DDX4: variants seen among roughly 807,000 people sequenced by gnomAD.
DDX4 encodes the protein DEAD-box helicase 4.
A neutral mutation model predicts 100.0 loss-of-function variants in DDX4; 25 were observed. The ratio of observed to expected loss-of-function variants is 0.25; its 90% CI spans 0.18 to 0.35. The LOEUF (loss-of-function observed/expected upper bound fraction) is 0.35. Ranked by LOEUF, DDX4 falls within the 10% of genes least tolerant of loss-of-function variation. The pLI is 1.00. For synonymous variants in DDX4, 259 were observed against 275.7 expected, an observed-to-expected ratio of 0.94 and a Z score of 0.60; for missense variants, 635 against 882.4, an observed-to-expected ratio of 0.72 and a Z score of 3.55.
At chr5:55,782,188 C>A in intron 10 of DDX4, 2 of 557,262 alleles carry the variant, frequency 3.6e-6, no homozygotes, top group Non-Finnish European at 6.4e-6. Flanking sequence ...CCTCTCTGAT[C>A]CAGCAATTCC....
At chr5:55,773,924 C>T (rs1413159166) in intron 7 of DDX4, among the ~76,000 whole-genome samples, 6 of 152,056 alleles carry the variant, frequency 3.9e-5, no homozygotes. Context: ...CAGTGCCCAG[C>T]CCTTATTGTT....
At chr5:55,796,602 T>C (rs1742952586) in intron 17 of DDX4, among the ~76,000 whole-genome samples, 1 of 152,206 alleles carries the variant, frequency 6.6e-6, no homozygotes, top group African/African-American at 2.4e-5. Context: ...CAGGCTCACC[T>C]GCTACTTTCT....
At chr5:55,740,961 G>T (rs1330074879) in intron 2 of DDX4, among the ~76,000 whole-genome samples, 2 of 151,796 alleles carry the variant, frequency 1.3e-5, no homozygotes, top group Non-Finnish European at 2.9e-5. Context: ...GTTTTAATTT[G>T]GTAATTTTTT....
intron 3 of DDX4, 104 bp from the exon 4 acceptor site, chr5:55,760,096 A>G (rs1183315435): frequency 1.4e-5 from 16 of 1,183,570 alleles, no homozygotes; most frequent in Middle Eastern, 2.3e-4. Context: ...TTTTACTGCT[A>G]TATAAAATTT....
chr5:55,807,477 T>C (rs562568638), intron 18 of DDX4, among the ~76,000 whole-genome samples: 1 of 152,322 alleles, frequency 6.6e-6, no homozygotes, highest in Non-Finnish European at 1.5e-5. Flanking sequence ...TTCCTTTCCA[T>C]GTTTATTGCT....
intron 3 of DDX4, among the ~76,000 whole-genome samples, chr5:55,755,257 C>G (rs909914391): frequency 2.6e-5 from 4 of 152,036 alleles, no homozygotes; most frequent in African/African-American, 9.7e-5. Flanking sequence ...AATGGGAATG[C>G]TCCCAAATTT....
At chr5:55,757,812 G>T (rs1242469097) in intron 3 of DDX4, among the ~76,000 whole-genome samples, 2 of 152,182 alleles carry the variant, frequency 1.3e-5, no homozygotes, top group African/African-American at 4.8e-5. Flanking sequence ...GGGAGGCTGA[G>T]GTGGGTGGAT....
intron 7 of DDX4, among the ~76,000 whole-genome samples, chr5:55,772,081 C>T (rs1224739160): frequency 6.6e-6 from 1 of 152,084 alleles, no homozygotes; most frequent in Admixed American, 6.6e-5. Flanking sequence ...TAGCTGGGCG[C>T]ATGCCTGTAG....
chr5:55,812,495 C>T (rs1293864327), intron 18 of DDX4, among the ~76,000 whole-genome samples: 2 of 151,662 alleles, frequency 1.3e-5, no homozygotes, highest in East Asian at 1.9e-4. Context: ...ACCCGGGAGG[C>T]GGAGGTTGCA....
chr5:55,807,081 CTTCT>C (rs1743779768), intron 18 of DDX4, among the ~76,000 whole-genome samples: 1 of 152,120 alleles, frequency 6.6e-6, no homozygotes, highest in South Asian at 2.1e-4. Context: ...ATGTAATGGC[CTTCT>C]TTGTCTCTTT....
At chr5:55,804,166 ATTGT>A (rs534876630) in intron 18 of DDX4, among the ~76,000 whole-genome samples, 2 of 147,508 alleles carry the variant, frequency 1.4e-5, no homozygotes, top group South Asian at 2.2e-4. Context: ...TTTTGATGGG[ATTGT>A]TTGTTTTTTT....
rs753995409 is a variant in DDX4 at position 55,780,042 on chromosome 5, G to A, written c.473G>A (p.Gly158Glu). ...AGAGGTAGTTTCCGAGGTTGCCGTGGAGGATTTGGTCTAGGAAGTCCAAGT... is the reference window on the plus strand; with the variant it reads ...AGAGGTAGTTTCCGAGGTTGCCGTGAAGGATTTGGTCTAGGAAGTCCAAGT... ...GGRGSFRGCR[G>E]GFGLGSPNND... The change falls in exon 8 of 22, where the codon GGA becomes GAA. Residue 158 changes from glycine to glutamate, a missense_variant. Gly to Glu is a moderately conservative substitution (Grantham distance 98). This residue lies in a region of DDX4 where 446 missense variants were observed against 540.8 expected (regional missense o/e 0.82). Transcript: ENST00000505374. The A allele has an allele frequency of 6.2e-7, 1 of 1,613,976 alleles. No individual in the cohort carries two copies. The highest frequency in any genetic ancestry group is 8.5e-7 in the Non-Finnish European group (1 of 1,179,938).
intron 18 of DDX4, among the ~76,000 whole-genome samples, chr5:55,810,296 G>T (rs147499806): frequency 6.6e-6 from 1 of 152,036 alleles, no homozygotes; most frequent in African/African-American, 2.4e-5. Flanking sequence ...GTAGAGATGG[G>T]GTTTCACCAC....
At chr5:55,792,400 G>T (rs1016009118) in intron 16 of DDX4, among the ~76,000 whole-genome samples, 1 of 146,738 alleles carries the variant, frequency 6.8e-6, no homozygotes, top group African/African-American at 2.5e-5. Context: ...TCGCTATGTT[G>T]CCCAGGCTGG....
At chr5:55,807,843 C>G (rs1333601769) in intron 18 of DDX4, among the ~76,000 whole-genome samples, 5 of 151,944 alleles carry the variant, frequency 3.3e-5, no homozygotes, top group East Asian at 1.9e-4. Flanking sequence ...GGCGTTCTCT[C>G]TTTCCTGAAT....
At chr5:55,757,186 ATTCGTGAGAT>A (rs1328378871) in intron 3 of DDX4, among the ~76,000 whole-genome samples, 6 of 151,946 alleles carry the variant, frequency 3.9e-5, no homozygotes, top group South Asian at 2.1e-4. Flanking sequence ...TTTAGTGGAG[ATTCGTGAGAT>A]TTTGTGAACC....
intron 7 of DDX4, chr5:55,777,433 C>G (rs2111943644): frequency 6.6e-6 from 1 of 152,062 alleles, no homozygotes; most frequent in East Asian, 1.9e-4. Flanking sequence ...AATCTTGTCT[C>G]TACAAAAAAA....
At chr5:55,809,837 C>A (rs755076153) in intron 18 of DDX4, among the ~76,000 whole-genome samples, 4 of 152,160 alleles carry the variant, frequency 2.6e-5, no homozygotes, top group African/African-American at 4.8e-5. Context: ...AGGTTAGAGA[C>A]GTTTTAAAAA....
At position 55,785,430 on chromosome 5, in the gene DDX4, A is replaced by T; in HGVS notation, c.674-17A>T. 6.2e-7 allele frequency: 1 copy of T among 1,605,396 alleles called. No homozygotes were observed. ...TTTAAAAAACATGTATCTCTTTTTT[A>T]TTTGATCCTCTTCAAGATTCTTGGA... is the stretch of plus-strand genomic sequence containing the variant. On this transcript the variant is annotated splice_polypyrimidine_tract_variant and intron_variant, in intron 11 of 21. Coordinates refer to ENST00000505374, the MANE Select transcript of DDX4 (RefSeq NM_024415.3).
Sources: allele counts gnomAD v4.1 joint callset (sites outside exome capture counted in the v4.1 genomes callset), GRCh38; gene constraint gnomAD v4.1.1; regional missense constraint gnomAD v4.1.1; transcripts MANE v1.5; gene names NCBI Gene and HGNC (gene_info 2026-07-23, HGNC 2026-07-21).